Variants in SLC24A2 observed in about 807,000 individuals in gnomAD.
SLC24A2 encodes the protein solute carrier family 24 member 2, also known as sodium/potassium/calcium exchanger 2.
Under a neutral mutation model 62.0 loss-of-function variants are expected in SLC24A2, and 36 were observed. The observed-to-expected ratio is 0.58, with a 90% CI of 0.44 to 0.77. The LOEUF (loss-of-function observed/expected upper bound fraction) is 0.77. Among genes scored for constraint, SLC24A2 ranks in the 30% least tolerant of loss-of-function variants. The probability of loss-of-function intolerance (pLI) is 0.00; values close to 1 mark genes in which losing one functional copy is unlikely to be tolerated. For synonymous variants in SLC24A2, 358 were observed against 294.0 expected (o/e 1.22, Z -2.23); for missense variants, 846 against 817.9 (o/e 1.03, Z -0.42).
At chr9:19,799,713 G>A in the SLC24A2 span, among the ~76,000 whole-genome samples, 4 of 152,166 alleles carry the variant, frequency 2.6e-5, no homozygotes, top group Admixed American at 2.6e-4. Context: ...ATAGATTGCA[G>A]ATGTTTTGTG....
chr9:19,569,056 A>G (rs1835760792), intron 7 of SLC24A2, among the ~76,000 whole-genome samples: 1 of 152,158 alleles, frequency 6.6e-6, no homozygotes, highest in Non-Finnish European at 1.5e-5. Flanking sequence ...AGAGCTTCTC[A>G]TTCCTTTTCT....
chr9:19,563,161 T>C lies in SLC24A2; in HGVS notation c.1347+10190A>G, dbSNP rs533386528. Reference sequence around the variant, plus strand: ...GAGTCTTTTGATATTCTTATTTCTTTCACTATTCAGCTTTGGCATCTCTCC... The same window carrying C: ...GAGTCTTTTGATATTCTTATTTCTTCCACTATTCAGCTTTGGCATCTCTCC... On this transcript the variant is annotated intron_variant, in intron 7 of 10. Coordinates refer to ENST00000341998, the MANE Select transcript of SLC24A2 (RefSeq NM_020344.4). Among the ~76,000 whole-genome samples, 219 of 139,004 alleles carry C rather than the reference T, an allele frequency of 1.6e-3. 1 individual carries two copies. The highest frequency in any genetic ancestry group is 5.2e-3 in the African/African-American group (214 of 40,870). The allele number at this position is 139,004 out of a possible 152,430, so 91.2% of individuals were successfully genotyped here.
At chr9:19,555,376 T>G (rs1337272810) in intron 7 of SLC24A2, among the ~76,000 whole-genome samples, 1 of 152,102 alleles carries the variant, frequency 6.6e-6, no homozygotes, top group African/African-American at 2.4e-5. Flanking sequence ...TAAGATTCTT[T>G]CTGTGTTTTG....
At chr9:19,964,598 C>A in the SLC24A2 span, among the ~76,000 whole-genome samples, 6 of 152,148 alleles carry the variant, frequency 3.9e-5, no homozygotes, top group Non-Finnish European at 8.8e-5. Context: ...GATGGCTTTG[C>A]CATATGTCCA....
In SLC24A2 at chr9:19,731,770, G is replaced by A. The variant is rs575222246; in HGVS notation, c.930+54167C>T. 2.0e-5 allele frequency among the ~76,000 whole-genome samples: 3 copies of A among 152,288 alleles called. No individual in the cohort carries two copies. In the East Asian group the frequency reaches 5.8e-4, roughly 29 times the overall value. On this transcript the variant is annotated intron_variant, in intron 2 of 10. Coordinates refer to ENST00000341998, the MANE Select transcript of SLC24A2 (RefSeq NM_020344.4). ...GGTAAAACATCAAATATAATACCAA[G>A]TACAGGGTTGACACCAAATAAATGG...
At chr9:19,934,508 AC>A in the SLC24A2 span, among the ~76,000 whole-genome samples, 1 of 151,338 alleles carries the variant, frequency 6.6e-6, no homozygotes, top group Non-Finnish European at 1.5e-5. This position sits in a 1 kb window ranked among gnomAD's most constrained non-coding sequence, Gnocchi z 4.1. Flanking sequence ...GTCCCCGCGC[AC>A]CCCCGTTCCG....
At chr9:19,987,055 T>C in the SLC24A2 span, among the ~76,000 whole-genome samples, 112,498 of 152,040 alleles carry the variant, frequency 0.74, 42,447 homozygotes, top group Non-Finnish European at 0.82. Flanking sequence ...AGAATGGTAA[T>C]AGACAGTGGA....
the SLC24A2 span, among the ~76,000 whole-genome samples, chr9:20,079,897 T>C: frequency 1.3e-5 from 2 of 152,054 alleles, no homozygotes; most frequent in African/African-American, 2.4e-5. Context: ...GAGAATAAAA[T>C]ACCTAGGAAC....
the SLC24A2 span, among the ~76,000 whole-genome samples, chr9:20,152,549 A>C: frequency 7.2e-5 from 11 of 152,000 alleles, no homozygotes; most frequent in South Asian, 1.5e-3. Flanking sequence ...CATCCATCTT[A>C]ATGGAGTGCT....
At chr9:19,682,631 G>T (rs1174031513) in intron 2 of SLC24A2, among the ~76,000 whole-genome samples, 1 of 152,102 alleles carries the variant, frequency 6.6e-6, no homozygotes, top group Non-Finnish European at 1.5e-5. Flanking sequence ...CAATAATACA[G>T]GGAGCAGGAG....
Position 19,532,164 on chromosome 9 carries a change from C to A in SLC24A2, c.1480-4026G>T, listed in dbSNP as rs116909121. ...ATGGTGCAATCTTGGCTCACCATAA[C>A]CTCCACCTTGTGGGTTCAAGTGTTT... On this transcript the variant is annotated intron_variant, in intron 8 of 10. Coordinates refer to ENST00000341998, the MANE Select transcript of SLC24A2 (RefSeq NM_020344.4). Among the ~76,000 whole-genome samples, 127 of 152,286 alleles carry A rather than the reference C, an allele frequency of 8.3e-4. 4 individuals are homozygous for A. The East Asian group carries it at 0.023, about 27-fold the overall frequency.
At chr9:19,890,568 T>C in the SLC24A2 span, among the ~76,000 whole-genome samples, 1 of 152,232 alleles carries the variant, frequency 6.6e-6, no homozygotes, top group Non-Finnish European at 1.5e-5. Context: ...TGACTTCTTC[T>C]CCTTTACTGA....
chr9:20,300,635 G>C, the SLC24A2 span, among the ~76,000 whole-genome samples: 1 of 152,102 alleles, frequency 6.6e-6, no homozygotes, highest in African/African-American at 2.4e-5. Flanking sequence ...CCCCACCCAA[G>C]AACATTTCCT....
intron 7 of SLC24A2, among the ~76,000 whole-genome samples, chr9:19,555,871 G>A (rs1835064446): frequency 6.6e-6 from 1 of 152,130 alleles, no homozygotes; most frequent in African/African-American, 2.4e-5. Context: ...CTTGAACCCG[G>A]GAGGCAGAGG....
chr9:19,567,907 C>T (rs984664239), intron 7 of SLC24A2, among the ~76,000 whole-genome samples: 2 of 152,112 alleles, frequency 1.3e-5, no homozygotes, highest in African/African-American at 4.8e-5. Context: ...AAAATGCTCT[C>T]TATTGCCACG....
chr9:20,014,202 T>C, the SLC24A2 span, among the ~76,000 whole-genome samples: 1 of 152,026 alleles, frequency 6.6e-6, no homozygotes, highest in Non-Finnish European at 1.5e-5. Context: ...AGCAAGACCA[T>C]GTCTCAGCGG....
chr9:20,081,320 C>T, the SLC24A2 span, among the ~76,000 whole-genome samples: 1 of 151,852 alleles, frequency 6.6e-6, no homozygotes, highest in Admixed American at 6.6e-5. Flanking sequence ...GAGTTCATGT[C>T]CTTTGTAGGG....
At chr9:20,067,373 G>A in the SLC24A2 span, among the ~76,000 whole-genome samples, 26 of 152,260 alleles carry the variant, frequency 1.7e-4, no homozygotes, top group African/African-American at 5.8e-4. Context: ...ATATTCTGTG[G>A]TGACCATATC....
At chr9:19,720,440 C>G (rs935273789) in intron 2 of SLC24A2, among the ~76,000 whole-genome samples, 1 of 152,038 alleles carries the variant, frequency 6.6e-6, no homozygotes, top group African/African-American at 2.4e-5. Context: ...TCAACAATGG[C>G]GTGGAGAAGA....
Sources: gnomAD v4.1 joint callset for allele counts (sites outside exome capture counted in the v4.1 genomes callset) on GRCh38, gnomAD v4.1.1 for gene constraint, Gnocchi (gnomAD v3.1) non-coding constraint, MANE v1.5 for transcripts, NCBI Gene and HGNC (gene_info 2026-07-23, HGNC 2026-07-21) for gene names.